The following MED13L variants were observed in gnomAD, a reference collection of about 807,000 sequenced individuals.
MED13L encodes the protein mediator of RNA polymerase II transcription subunit 13-like.
In MED13L, 7 loss-of-function variants were observed where a neutral mutation model predicts 220.9. That is an observed-to-expected ratio of 0.03 (90% CI 0.02 to 0.06). The LOEUF (loss-of-function observed/expected upper bound fraction) is 0.06. Among genes scored for constraint, MED13L ranks in the 10% least tolerant of loss-of-function variants. The pLI, the probability that MED13L is intolerant of heterozygous loss-of-function variation, is 1.00. For synonymous variants in MED13L, 1,011 were observed against 1,015.2 expected (o/e 1.00, Z 0.08); for missense variants, 1,965 against 2,760.5 (o/e 0.71, Z 6.46).
At chr12:116,106,368 A>G (rs1024336286) in intron 3 of MED13L, among the ~76,000 whole-genome samples, 2 of 152,222 alleles carry the variant, frequency 1.3e-5, no homozygotes, top group Non-Finnish European at 2.9e-5. Context: ...AGGCCATCAC[A>G]TGGAAGCAGA....
intron 4 of MED13L, among the ~76,000 whole-genome samples, chr12:116,035,942 T>C (rs1294782465): frequency 6.6e-6 from 1 of 152,186 alleles, no homozygotes; most frequent in African/African-American, 2.4e-5. Flanking sequence ...CATCTCTCAC[T>C]ATTTTAATTT....
chr12:115,966,561 A>G (rs1485187802), intron 28 of MED13L, among the ~76,000 whole-genome samples: 1 of 152,236 alleles, frequency 6.6e-6, no homozygotes, highest in Non-Finnish European at 1.5e-5. Context: ...ACAATCTCTG[A>G]CAGCAGAAGG....
intron 4 of MED13L, among the ~76,000 whole-genome samples, chr12:116,061,785 A>T (rs1050162035): frequency 6.6e-6 from 1 of 152,128 alleles, no homozygotes; most frequent in Non-Finnish European, 1.5e-5. Context: ...AGGCAGGCTG[A>T]TCATGAGGTC....
chr12:116,123,746 C>G (rs1355508894), intron 2 of MED13L, among the ~76,000 whole-genome samples: 1 of 152,090 alleles, frequency 6.6e-6, no homozygotes, highest in Middle Eastern at 3.2e-3. Context: ...TCTCCCCACC[C>G]CCAGCCATGC....
chr12:115,974,611 G>C (rs1876808877), intron 25 of MED13L, among the ~76,000 whole-genome samples: 1 of 152,170 alleles, frequency 6.6e-6, no homozygotes, highest in African/African-American at 2.4e-5. Context: ...GGTAGTTGGG[G>C]ACTGAACTTC....
chr12:116,126,020 T>C (rs77681214), intron 2 of MED13L, among the ~76,000 whole-genome samples: 3,012 of 152,260 alleles, frequency 0.02, 55 homozygotes, highest in Middle Eastern at 0.058. Context: ...AAACAACCTA[T>C]TGGAAAGCAA....
At chr12:115,996,974 G>A (rs1203036754) in intron 15 of MED13L, 36 bp downstream of exon 15, 1 of 1,577,570 alleles carries the variant, frequency 6.3e-7, no homozygotes, top group African/African-American at 1.3e-5. Context: ...CTTGGAAACT[G>A]CTCTGCCCTG....
chr12:116,052,777 G>C (rs978091927), intron 4 of MED13L, among the ~76,000 whole-genome samples: 1 of 152,164 alleles, frequency 6.6e-6, no homozygotes, highest in East Asian at 1.9e-4. Flanking sequence ...AGGAAGCAGG[G>C]GAACAGGGTG....
intron 9 of MED13L, among the ~76,000 whole-genome samples, chr12:116,011,106 C>T (rs1436896644): frequency 6.6e-6 from 1 of 151,846 alleles, no homozygotes. Flanking sequence ...AGGCTGGTCT[C>T]GAACTCTTGA....
At position 116,209,047 on chromosome 12, in the gene MED13L, G is replaced by T. The variant is rs150214051; in HGVS notation, c.310+28421C>A. On this transcript the variant is annotated intron_variant, in intron 2 of 30. Transcript: ENST00000281928. Reference sequence around the variant, plus strand: ...GATTCAAAGTATGAGGTAAAAAATGGAAATATTAAAGCCCCCCATCAAGCC... The same window carrying T: ...GATTCAAAGTATGAGGTAAAAAATGTAAATATTAAAGCCCCCCATCAAGCC... Among the ~76,000 whole-genome samples the T allele has an allele frequency of 7.4e-3, 1,130 of 152,180 alleles. 12 individuals carry two copies. Among genetic ancestry groups the T allele is most frequent in the Non-Finnish European group, 0.01 (690 of 68,012 alleles).
At chr12:115,993,959 G>A (rs1365245817) in intron 16 of MED13L, among the ~76,000 whole-genome samples, 1 of 152,192 alleles carries the variant, frequency 6.6e-6, no homozygotes, top group East Asian at 1.9e-4. Context: ...CAGGGTGATG[G>A]CGAGCAGAGA....
chr12:116,060,579 GAA>G (rs201867322), intron 4 of MED13L, among the ~76,000 whole-genome samples: 1 of 89,172 alleles, frequency 1.1e-5, no homozygotes, highest in African/African-American at 4.0e-5. Flanking sequence ...GACTCCAAGG[GAA>G]AAAAAAAAAA....
At chr12:116,203,404 T>G (rs1473819594) in intron 2 of MED13L, among the ~76,000 whole-genome samples, 2 of 149,656 alleles carry the variant, frequency 1.3e-5, no homozygotes, top group African/African-American at 4.9e-5. Context: ...TTAAAAGGTG[T>G]TTTGTTTTGT....
intron 1 of MED13L, among the ~76,000 whole-genome samples, chr12:116,247,947 C>T (rs1402125386): frequency 1.3e-5 from 2 of 152,128 alleles, no homozygotes; most frequent in African/African-American, 4.8e-5. Flanking sequence ...AATCTTGATC[C>T]TATTCAACAG....
At chr12:116,011,164 C>A (rs546892655) in intron 9 of MED13L, among the ~76,000 whole-genome samples, 1 of 152,002 alleles carries the variant, frequency 6.6e-6, no homozygotes, top group Non-Finnish European at 1.5e-5. Flanking sequence ...GGATTACAGG[C>A]GTGAGCCACT....
intron 17 of MED13L, among the ~76,000 whole-genome samples, 161 bp downstream of exon 17, chr12:115,990,859 T>C (rs1326500335): frequency 1.3e-5 from 2 of 152,214 alleles, no homozygotes; most frequent in Non-Finnish European, 2.9e-5. Context: ...TCCCAGTCCA[T>C]AAGTTTAGGA....
Position 115,980,847 on chromosome 12 carries a change from C to G in MED13L, c.5267G>C (p.Cys1756Ser). ...YLKSMAFSVY[C>S]QCRRPLPTQI... ...TGTAGGCAGTGGTCGCCTGCACTGG[C>G]AGTACACTGAAAATGCCATGGACTT... Residue 1756 changes from cysteine (C) to serine (S), a missense_variant, in exon 23 of 31, where the codon TGC (cysteine) becomes TCC (serine). Cys to Ser is a moderately radical substitution (Grantham distance 112). Transcript: ENST00000281928. 1.2e-6 allele frequency: 2 copies of G among 1,600,288 alleles called. No homozygotes were observed. The highest frequency in any genetic ancestry group is 1.1e-5 in the South Asian group (1 of 89,736).
At chr12:116,192,131 G>A (rs1393846356) in intron 2 of MED13L, among the ~76,000 whole-genome samples, 1 of 152,106 alleles carries the variant, frequency 6.6e-6, no homozygotes, top group African/African-American at 2.4e-5. Flanking sequence ...AACTTTCAGG[G>A]CAACGGAAGG....
Position 116,164,569 on chromosome 12 carries a change from C to A in MED13L, c.311-53057G>T, listed in dbSNP as rs1593118672. Among the ~76,000 whole-genome samples, 3 of 152,298 alleles carry A rather than the reference C, an allele frequency of 2.0e-5. No individual in the cohort carries two copies. The East Asian group carries it at 5.8e-4, about 29-fold the overall frequency. ...CAGATGGCTATTCAGTTAAAGCCTT[C>A]AGGCTTATCTCCCACACTTGGTCAC... On this transcript the variant is annotated intron_variant, in intron 2 of 30. Transcript: ENST00000281928.
Sources: allele counts gnomAD v4.1 joint callset (sites outside exome capture counted in the v4.1 genomes callset), GRCh38; gene constraint gnomAD v4.1.1; transcripts MANE v1.5; gene names NCBI Gene and HGNC (gene_info 2026-07-23, HGNC 2026-07-21).